The following DYM variants were observed in gnomAD, a reference collection of about 807,000 sequenced individuals.
DYM encodes dyggve-Melchior-Clausen syndrome protein.
DYM carries 78 observed loss-of-function variants against 93.1 expected under a neutral mutation model. That is an observed-to-expected ratio of 0.84 (90% CI 0.70 to 1.01). DYM has a LOEUF of 1.01. Ranked by LOEUF, DYM falls within the 50% of genes least tolerant of loss-of-function variation. The probability of loss-of-function intolerance (pLI) is 0.00; values close to 1 mark genes in which losing one functional copy is unlikely to be tolerated. For synonymous variants in DYM, 321 were observed against 319.7 expected (o/e 1.00, Z -0.04); for missense variants, 789 against 845.0 (o/e 0.93, Z 0.82).
At chr18:49,396,941 A>G (rs1004553065) in intron 2 of DYM, among the ~76,000 whole-genome samples, 3 of 152,196 alleles carry the variant, frequency 2.0e-5, no homozygotes, top group African/African-American at 7.2e-5. Context: ...GAGAGAGGTC[A>G]ACAGGTATAA....
At chr18:49,303,039 T>C (rs537078623) in intron 8 of DYM, among the ~76,000 whole-genome samples, 122 of 152,314 alleles carry the variant, frequency 8.0e-4, no homozygotes, top group Non-Finnish European at 1.1e-3. Flanking sequence ...TTCCCAGACT[T>C]CTCTCCCACT....
At chr18:49,086,951 G>A (rs777398243) in intron 17 of DYM, among the ~76,000 whole-genome samples, 16 of 151,828 alleles carry the variant, frequency 1.1e-4, no homozygotes, top group East Asian at 1.9e-4. Flanking sequence ...TCATGCCACC[G>A]CACTCTAGCC....
chr18:49,416,815 A>C (rs76051941), intron 2 of DYM, among the ~76,000 whole-genome samples: 3,129 of 152,304 alleles, frequency 0.021, 114 homozygotes, highest in African/African-American at 0.069. Flanking sequence ...AGAGCCTACA[A>C]GGGACCCTAC....
chr18:49,177,306 T>C (rs1376451736), intron 14 of DYM, among the ~76,000 whole-genome samples: 13 of 152,164 alleles, frequency 8.5e-5, no homozygotes, highest in Non-Finnish European at 2.9e-5. Context: ...ATGTTTACTA[T>C]ATGTCAGATT....
At chr18:49,182,868 T>C (rs1288720703) in intron 14 of DYM, among the ~76,000 whole-genome samples, 1 of 152,192 alleles carries the variant, frequency 6.6e-6, no homozygotes, top group African/African-American at 2.4e-5. Context: ...AAGTCCCTGT[T>C]CTATATACTG....
intron 13 of DYM, among the ~76,000 whole-genome samples, chr18:49,222,480 A>C (rs914421757): frequency 6.6e-6 from 1 of 152,158 alleles, no homozygotes; most frequent in Non-Finnish European, 1.5e-5. Context: ...AAGCAAGGAA[A>C]CTGTCAAAGA....
intron 16 of DYM, among the ~76,000 whole-genome samples, chr18:49,104,155 T>C (rs978746872): frequency 6.6e-6 from 1 of 152,144 alleles, no homozygotes; most frequent in Non-Finnish European, 1.5e-5. Flanking sequence ...TTCCTAGGTA[T>C]TTTATTCTCT....
intron 6 of DYM, among the ~76,000 whole-genome samples, chr18:49,342,452 A>G (rs546528584): frequency 6.6e-6 from 1 of 152,216 alleles, no homozygotes; most frequent in Non-Finnish European, 1.5e-5. Flanking sequence ...GGATTAGAGC[A>G]TGTACATCTT....
At chr18:49,271,560 G>A (rs904741787) in intron 11 of DYM, among the ~76,000 whole-genome samples, 11 of 152,052 alleles carry the variant, frequency 7.2e-5, no homozygotes, top group Admixed American at 7.2e-4. Flanking sequence ...GAAAGCATTT[G>A]CCTTACAGGA....
At chr18:49,360,830 T>G (rs558349785) in intron 6 of DYM, among the ~76,000 whole-genome samples, 1 of 152,290 alleles carries the variant, frequency 6.6e-6, no homozygotes, top group South Asian at 2.1e-4. Flanking sequence ...CCCAAAGATA[T>G]GGGATCCAGG....
rs567960603 is a variant in DYM, at chr18:49,266,237, G to A, written c.1251+5941C>T. Among the ~76,000 whole-genome samples, 27 of 152,232 alleles carry A rather than the reference G, an allele frequency of 1.8e-4. No homozygotes were observed. The East Asian group carries it at 5.0e-3, about 28-fold the overall frequency. ...TGGTTCTCTCTACAGCTGCAACATG[G>A]ATTTAAAATAACTAAACAATGATTC... is the stretch of plus-strand genomic sequence containing the variant. On this transcript the variant is annotated intron_variant, in intron 11 of 17. Coordinates refer to ENST00000675505, the MANE Select transcript of DYM (RefSeq NM_001353214.3).
At chr18:49,215,815 G>C (rs1030792970) in intron 13 of DYM, among the ~76,000 whole-genome samples, 1 of 152,322 alleles carries the variant, frequency 6.6e-6, no homozygotes, top group East Asian at 1.9e-4. Context: ...AGCTCCCAGA[G>C]TAAGCAATGC....
intron 5 of DYM, among the ~76,000 whole-genome samples, chr18:49,364,637 T>C (rs577096529): frequency 6.6e-6 from 1 of 152,200 alleles, no homozygotes; most frequent in African/African-American, 2.4e-5. Flanking sequence ...CTGATTAATA[T>C]ATATCAGAAA....
At chr18:49,074,340 T>G (rs2077129918) in intron 17 of DYM, among the ~76,000 whole-genome samples, 1 of 152,192 alleles carries the variant, frequency 6.6e-6, no homozygotes, top group Non-Finnish European at 1.5e-5. Flanking sequence ...CTAGAGATGA[T>G]TTAAAGTATA....
chr18:49,200,708 T>C (rs999884970), intron 14 of DYM, among the ~76,000 whole-genome samples: 24 of 152,250 alleles, frequency 1.6e-4, no homozygotes, highest in Admixed American at 1.3e-3. Context: ...TATTTCTTTA[T>C]AGAATCCACT....
In DYM at chr18:49,333,844, T is replaced by C. The variant is rs368567108; in HGVS notation, c.504A>G (p.Thr168=). 4 of 1,610,050 alleles carry C rather than the reference T, an allele frequency of 2.5e-6. No individual in the cohort carries two copies. In the African/African-American group the frequency reaches 4.0e-5, roughly 16 times the overall value. Residue 168 remains threonine (T), a synonymous_variant, in exon 7 of 18, where the codon ACA becomes ACG. Transcript: ENST00000675505. The stretch of plus-strand genomic sequence containing the variant: ...ATATAGCTTCTACTGATATTTCATA[T>C]GTAATATCTCTAAAATGGAAGAAAA... ...LITDIPLLDI[T]YEISVEAIST... is the part of the protein sequence containing the mutation.
intron 15 of DYM, among the ~76,000 whole-genome samples, chr18:49,130,725 G>A (rs184999264): frequency 4.6e-5 from 7 of 152,280 alleles, no homozygotes; most frequent in African/African-American, 1.4e-4. Context: ...TGACTTGGTA[G>A]GTGCTATGGC....
At chr18:49,381,734 G>A (rs192118840) in intron 3 of DYM, among the ~76,000 whole-genome samples, 1 of 152,286 alleles carries the variant, frequency 6.6e-6, no homozygotes, top group Non-Finnish European at 1.5e-5. Flanking sequence ...GAGTAGCAAG[G>A]TGCAACATTT....
intron 15 of DYM, among the ~76,000 whole-genome samples, chr18:49,152,107 T>C (rs1375493479): frequency 6.6e-6 from 1 of 152,212 alleles, no homozygotes; most frequent in African/African-American, 2.4e-5. Context: ...TTGCCAGATT[T>C]CAATGCAAAC....
Sources: allele counts gnomAD v4.1 joint callset (sites outside exome capture counted in the v4.1 genomes callset), GRCh38; gene constraint gnomAD v4.1.1; transcripts MANE v1.5; gene names NCBI Gene and HGNC (gene_info 2026-07-23, HGNC 2026-07-21).